The following SGCD variants were observed in gnomAD, a reference collection of about 807,000 sequenced individuals.
SGCD encodes delta-sarcoglycan.
In SGCD, 18 loss-of-function variants were observed where a neutral mutation model predicts 36.6. The observed-to-expected ratio is 0.49, with a 90% CI of 0.34 to 0.73. SGCD has a LOEUF of 0.73. SGCD is among the 30% of genes least tolerant of loss of function. The pLI is 0.01. For synonymous variants in SGCD, 133 were observed against 130.6 expected (o/e 1.02, Z -0.12); for missense variants, 387 against 346.7 (o/e 1.12, Z -0.92).
chr5:156,473,097 C>T (rs1755039663), intron 3 of SGCD, among the ~76,000 whole-genome samples: 1 of 152,166 alleles, frequency 6.6e-6, no homozygotes, highest in Non-Finnish European at 1.5e-5. Flanking sequence ...TAGGAATTTT[C>T]ATCTCCAGTC....
chr5:156,392,821 T>C (rs2127756225), intron 3 of SGCD, among the ~76,000 whole-genome samples: 1 of 152,298 alleles, frequency 6.6e-6, no homozygotes, highest in Non-Finnish European at 1.5e-5. Flanking sequence ...GTCATTCTGC[T>C]GGTCGGTGGC....
chr5:155,866,205 A>C (rs1755521524), upstream of SGCD, among the ~76,000 whole-genome samples: 1 of 152,094 alleles, frequency 6.6e-6, no homozygotes, highest in Admixed American at 6.6e-5. Flanking sequence ...GCACAAATGA[A>C]TATTCCCCCT....
intron 3 of SGCD, among the ~76,000 whole-genome samples, chr5:156,220,722 A>G (rs1386788022): frequency 6.6e-6 from 1 of 152,144 alleles, no homozygotes; most frequent in African/African-American, 2.4e-5. Flanking sequence ...CTCTTTAAGT[A>G]CATTTGGCTA....
intron 3 of SGCD, among the ~76,000 whole-genome samples, chr5:156,432,038 T>C (rs962600782): frequency 6.6e-6 from 1 of 152,134 alleles, no homozygotes; most frequent in African/African-American, 2.4e-5. Context: ...TTGTTCTGCT[T>C]TTCTGGGTCT....
chr5:155,903,185 CTCTT>C (rs952983350), intron 1 of SGCD, among the ~76,000 whole-genome samples: 2 of 152,204 alleles, frequency 1.3e-5, no homozygotes, highest in African/African-American at 2.4e-5. Context: ...CTGTGTTTCT[CTCTT>C]TCTCATGGGC....
chr5:155,768,662 G>A, the SGCD span, among the ~76,000 whole-genome samples: 1 of 152,088 alleles, frequency 6.6e-6, no homozygotes, highest in Non-Finnish European at 1.5e-5. Flanking sequence ...TTTGAGTTCT[G>A]TCTTTATTTC....
At chr5:156,121,014 A>G (rs1349396193) in intron 2 of SGCD, among the ~76,000 whole-genome samples, 1 of 152,128 alleles carries the variant, frequency 6.6e-6, no homozygotes, top group African/African-American at 2.4e-5. Context: ...TGACTTTCTC[A>G]TGTTACAATG....
At chr5:155,961,262 A>T (rs553849092) in intron 1 of SGCD, among the ~76,000 whole-genome samples, 73 of 152,194 alleles carry the variant, frequency 4.8e-4, no homozygotes, top group Non-Finnish European at 9.9e-4. Context: ...TTTAAAACTT[A>T]TGTTAGTTTT....
At chr5:156,618,251 A>G (rs1311955658) in intron 6 of SGCD, among the ~76,000 whole-genome samples, 1 of 152,224 alleles carries the variant, frequency 6.6e-6, no homozygotes, top group African/African-American at 2.4e-5. Flanking sequence ...AAAACTCACC[A>G]GGGACCACCT....
intron 1 of SGCD, among the ~76,000 whole-genome samples, chr5:156,033,442 G>A (rs752555614): frequency 1.3e-5 from 2 of 151,906 alleles, no homozygotes; most frequent in Non-Finnish European, 2.9e-5. Context: ...CTATATGTCC[G>A]TGTGTACCCA....
the SGCD span, among the ~76,000 whole-genome samples, chr5:155,798,741 A>G: frequency 6.6e-6 from 1 of 152,200 alleles, no homozygotes; most frequent in Non-Finnish European, 1.5e-5. Context: ...GAGTACATTT[A>G]AAACAAAAGA....
At position 156,173,885 on chromosome 5, in the gene SGCD, T is replaced by A. The variant is rs577671020; in HGVS notation, c.-44+49866T>A. Reference sequence around the variant, plus strand: ...TGGTCCAATCATATGGAAAATTAAGTTTTTTATATTGCACCTGCAATTACT... The same window carrying A: ...TGGTCCAATCATATGGAAAATTAAGATTTTTATATTGCACCTGCAATTACT... On this transcript the variant is annotated intron_variant, in intron 3 of 9. Transcript: ENST00000517913. Among the ~76,000 whole-genome samples the A allele has an allele frequency of 4.6e-5, 7 of 152,274 alleles. No homozygotes were observed. In the East Asian group the frequency reaches 1.3e-3, roughly 29 times the overall value.
At chr5:156,593,647 T>C (rs1467884304) in intron 5 of SGCD, among the ~76,000 whole-genome samples, 2 of 152,144 alleles carry the variant, frequency 1.3e-5, no homozygotes, top group Non-Finnish European at 2.9e-5. Context: ...TAATATAAGG[T>C]CACATTCTCT....
At chr5:156,237,640 A>G in intron 3 of SGCD, among the ~76,000 whole-genome samples, 1 of 152,120 alleles carries the variant, frequency 6.6e-6, no homozygotes, top group Non-Finnish European at 1.5e-5. Context: ...AAAAAACAAA[A>G]AACAAAGCGG....
the SGCD span, among the ~76,000 whole-genome samples, chr5:155,796,522 G>T: frequency 6.6e-6 from 1 of 151,384 alleles, no homozygotes; most frequent in Non-Finnish European, 1.5e-5. Context: ...TCAATGATTC[G>T]GCCGGGCGCG....
intron 3 of SGCD, among the ~76,000 whole-genome samples, chr5:156,156,496 C>T (rs1003203195): frequency 7.9e-5 from 12 of 151,408 alleles, no homozygotes; most frequent in Non-Finnish European, 1.6e-4. Flanking sequence ...TGGTGGCATG[C>T]GCCAGTAGTC....
intron 7 of SGCD, among the ~76,000 whole-genome samples, chr5:156,675,257 G>T (rs144188922): frequency 2.8e-4 from 43 of 152,270 alleles, no homozygotes; most frequent in Middle Eastern, 6.8e-3. Context: ...TAATACATAT[G>T]AACTACTTCA....
At chr5:155,915,564 G>A (rs1304168808) in intron 1 of SGCD, among the ~76,000 whole-genome samples, 1 of 152,096 alleles carries the variant, frequency 6.6e-6, no homozygotes, top group African/African-American at 2.4e-5. Flanking sequence ...ACAAAACATA[G>A]CATTGTATCA....
intron 3 of SGCD, among the ~76,000 whole-genome samples, chr5:156,210,344 A>T: frequency 6.6e-6 from 1 of 152,178 alleles, no homozygotes; most frequent in East Asian, 1.9e-4. Context: ...TGAAGACTAG[A>T]ATAAGCCGCT....
Sources: gnomAD v4.1 joint callset for allele counts (sites outside exome capture counted in the v4.1 genomes callset) on GRCh38, gnomAD v4.1.1 for gene constraint, MANE v1.5 for transcripts, NCBI Gene and HGNC (gene_info 2026-07-23, HGNC 2026-07-21) for gene names.